SLC25A26: variants seen among roughly 807,000 people sequenced by gnomAD.
The protein encoded by SLC25A26 is solute carrier family 25 member 26.
A neutral mutation model predicts 37.8 loss-of-function variants in SLC25A26; 36 were observed. That is an observed-to-expected ratio of 0.95 (90% CI 0.73 to 1.26). The LOEUF (loss-of-function observed/expected upper bound fraction) is 1.26. Ranked by LOEUF, SLC25A26 falls within the 50% of genes most tolerant of loss-of-function variation. SLC25A26 has a pLI of 0.00. For synonymous variants in SLC25A26, 129 were observed against 122.5 expected, an observed-to-expected ratio of 1.05 and a Z score of -0.35; for missense variants, 390 against 331.1, an observed-to-expected ratio of 1.18 and a Z score of -1.38.
At chr3:66,151,883 C>T (rs1348434838) in intron 1 of SLC25A26, among the ~76,000 whole-genome samples, 2 of 152,216 alleles carry the variant, frequency 1.3e-5, no homozygotes, top group African/African-American at 4.8e-5. Context: ...CTATTCCCCT[C>T]TCTCTTTTTT....
chr3:66,188,634 T>C (rs929919101), intron 1 of SLC25A26, among the ~76,000 whole-genome samples: 2,196 of 152,280 alleles, frequency 0.014, 59 homozygotes, highest in African/African-American at 0.045. Flanking sequence ...GCTAGTGCCA[T>C]GTTTTTTGTA....
chr3:66,192,419 A>G (rs1430371914), intron 1 of SLC25A26, among the ~76,000 whole-genome samples: 3 of 151,716 alleles, frequency 2.0e-5, no homozygotes, highest in African/African-American at 7.3e-5. Flanking sequence ...TAAGCAAGGT[A>G]GAGGGCTTTC....
intron 1 of SLC25A26, among the ~76,000 whole-genome samples, chr3:66,166,361 T>C (rs2070425094): frequency 6.6e-6 from 1 of 152,202 alleles, no homozygotes; most frequent in Non-Finnish European, 1.5e-5. Flanking sequence ...AGAGAAAGAA[T>C]GACAAAGACT....
chr3:66,192,859 C>A (rs1298623232), intron 1 of SLC25A26, among the ~76,000 whole-genome samples: 4 of 152,006 alleles, frequency 2.6e-5, no homozygotes, highest in African/African-American at 9.7e-5. Context: ...TATTTGCCTT[C>A]TCAAAGCTTT....
intron 1 of SLC25A26, among the ~76,000 whole-genome samples, chr3:66,195,704 A>C (rs2071035170): frequency 6.6e-6 from 1 of 152,236 alleles, no homozygotes; most frequent in Non-Finnish European, 1.5e-5. Context: ...GGCATTTTAA[A>C]ATATGAACAA....
At chr3:66,280,814 AT>A (rs1342150508) in intron 5 of SLC25A26, among the ~76,000 whole-genome samples, 1 of 151,954 alleles carries the variant, frequency 6.6e-6, no homozygotes, top group Non-Finnish European at 1.5e-5. Context: ...TTCCTGAAAT[AT>A]TTTAAGTAAG....
At chr3:66,332,787 T>C (rs1031026490) in intron 5 of SLC25A26, among the ~76,000 whole-genome samples, 5 of 152,178 alleles carry the variant, frequency 3.3e-5, no homozygotes, top group African/African-American at 1.2e-4. Context: ...AGAAAGCAGG[T>C]TCAGGCACAG....
chr3:66,261,800 G>C, intron 3 of SLC25A26: 1 of 339,280 alleles, frequency 2.9e-6, no homozygotes, highest in Middle Eastern at 8.0e-4. Flanking sequence ...GTAGACAGAT[G>C]TTCTTGGAAC....
intron 5 of SLC25A26, among the ~76,000 whole-genome samples, chr3:66,345,936 T>TG (rs1219014679): frequency 4.6e-5 from 7 of 152,250 alleles, no homozygotes; most frequent in Admixed American, 4.6e-4. Context: ...CTCACGCCTG[T>TG]AATCCCAGCA....
At chr3:66,319,904 C>G (rs1050692751) in intron 5 of SLC25A26, among the ~76,000 whole-genome samples, 3 of 151,932 alleles carry the variant, frequency 2.0e-5, no homozygotes, top group Non-Finnish European at 4.4e-5. Flanking sequence ...CAGGCACACA[C>G]CACCACGCCT....
upstream of SLC25A26, chr3:66,220,907 C>T: frequency 1.5e-6 from 1 of 654,306 alleles, no homozygotes; most frequent in Non-Finnish European, 2.7e-6. Context: ...CGAGGCCCCG[C>T]CCCTCCTCTC....
At chr3:66,323,318 C>G (rs925142060) in intron 5 of SLC25A26, among the ~76,000 whole-genome samples, 1 of 152,200 alleles carries the variant, frequency 6.6e-6, no homozygotes, top group Non-Finnish European at 1.5e-5. Flanking sequence ...AAATAATACT[C>G]TGGTCTTAAT....
In SLC25A26 at chr3:66,326,183, C is replaced by G. The variant is rs2075832789; in HGVS notation, c.454-20181C>G. On this transcript the variant is annotated intron_variant, in intron 5 of 9. Transcript: ENST00000354883. ...TAGGCTTTGGGGGTTGGGGCTTCAG[C>G]CTATGGGCTAGATTGCCGGACATAC... Among the ~76,000 whole-genome samples, 3 of 152,204 alleles carry G rather than the reference C, an allele frequency of 2.0e-5. No individual in the cohort carries two copies. In the South Asian group the frequency reaches 6.2e-4, roughly 32 times the overall value.
intron 1 of SLC25A26, among the ~76,000 whole-genome samples, chr3:66,159,445 A>G (rs1032250293): frequency 6.6e-6 from 1 of 152,142 alleles, no homozygotes; most frequent in Non-Finnish European, 1.5e-5. Flanking sequence ...TGTTGAGTTT[A>G]TGGTCTCTTG....
intron 5 of SLC25A26, among the ~76,000 whole-genome samples, chr3:66,302,429 C>A (rs1296560283): frequency 6.6e-6 from 1 of 152,172 alleles, no homozygotes; most frequent in African/African-American, 2.4e-5. Flanking sequence ...CTTGTTTTGA[C>A]AGAAACTGCT....
intron 5 of SLC25A26, among the ~76,000 whole-genome samples, chr3:66,327,202 C>G (rs1030349063): frequency 6.6e-6 from 1 of 152,160 alleles, no homozygotes; most frequent in Non-Finnish European, 1.5e-5. Flanking sequence ...TTAGGAGTTG[C>G]TCCATTCCAA....
chr3:66,152,121 G>T lies in SLC25A26; in HGVS notation c.-354+18137G>T, dbSNP rs76340018. 9.2e-3 allele frequency among the ~76,000 whole-genome samples: 1,393 copies of T among 152,190 alleles called. 27 individuals carry two copies. The highest frequency in any genetic ancestry group is 0.068 in the East Asian group (349 of 5,152). The stretch of plus-strand genomic sequence containing the variant: ...CTTGAGAGATCCGTTATCTAAGCAG[G>T]TACTTCTAAAATTTTGATGTTTGTA... On this transcript the variant is annotated intron_variant, in intron 1 of 10. Transcript: ENST00000676754.
At chr3:66,366,089 T>G (rs2076818614) in intron 7 of SLC25A26, among the ~76,000 whole-genome samples, 1 of 152,200 alleles carries the variant, frequency 6.6e-6, no homozygotes, top group Admixed American at 6.5e-5. Flanking sequence ...ATCATAAAAT[T>G]TTAGTTTCTC....
At chr3:66,141,251 A>G in intron 1 of SLC25A26, among the ~76,000 whole-genome samples, 1 of 151,246 alleles carries the variant, frequency 6.6e-6, no homozygotes. Context: ...TACATCTTCA[A>G]TAATTACCAA....
Sources: allele counts gnomAD v4.1 joint callset (sites outside exome capture counted in the v4.1 genomes callset), GRCh38; gene constraint gnomAD v4.1.1; transcripts MANE v1.5; gene names NCBI Gene and HGNC (gene_info 2026-07-23, HGNC 2026-07-21).